The following OPCML variants were observed in gnomAD, a reference collection of about 807,000 sequenced individuals.
OPCML encodes the protein opioid binding protein/cell adhesion molecule like.
OPCML carries 13 observed loss-of-function variants against 37.8 expected under a neutral mutation model. The observed-to-expected ratio is 0.34, with a 90% CI of 0.22 to 0.55. The LOEUF (loss-of-function observed/expected upper bound fraction) is 0.55. Among genes scored for constraint, OPCML ranks in the 20% least tolerant of loss-of-function variants. OPCML has a pLI of 0.91. For missense variants in OPCML, 341 were observed against 435.6 expected, an observed-to-expected ratio of 0.78 and a Z score of 1.93; for synonymous variants, 176 against 168.8, an observed-to-expected ratio of 1.04 and a Z score of -0.33.
chr11:132,570,777 A>ATATATATATATATATATATATATT (rs1565674191), intron 3 of OPCML, among the ~76,000 whole-genome samples: 6 of 114,846 alleles, frequency 5.2e-5, no homozygotes, highest in African/African-American at 2.0e-4. Context: ...ATATATATAT[A>ATATATATATATATATATATATATT]TATATATATA....
chr11:132,956,375 G>T (rs1945978343), intron 1 of OPCML, among the ~76,000 whole-genome samples: 1 of 152,132 alleles, frequency 6.6e-6, no homozygotes, highest in Admixed American at 6.5e-5. Context: ...CATAATTATT[G>T]TGATATATTG....
intron 1 of OPCML, among the ~76,000 whole-genome samples, chr11:133,289,930 T>G (rs1942428458): frequency 6.6e-6 from 1 of 152,190 alleles, no homozygotes; most frequent in Non-Finnish European, 1.5e-5. Flanking sequence ...TGGGCTGTTC[T>G]GACCCGGCCA....
At chr11:133,524,862 C>T (rs766390925) in intron 1 of OPCML, among the ~76,000 whole-genome samples, 9 of 152,348 alleles carry the variant, frequency 5.9e-5, no homozygotes, top group Non-Finnish European at 8.8e-5. Context: ...GCAGGCCAAA[C>T]TGGGGGCCTC....
At chr11:133,471,741 C>T (rs1374459391) in intron 1 of OPCML, among the ~76,000 whole-genome samples, 7 of 152,150 alleles carry the variant, frequency 4.6e-5, no homozygotes, top group East Asian at 1.9e-4. Context: ...TTCCATGATG[C>T]TCATGACAGG....
chr11:133,100,176 G>C lies in OPCML; in HGVS notation c.62-157166C>G, dbSNP rs552537230. On this transcript the variant is annotated intron_variant, in intron 1 of 7. Transcript: ENST00000524381. ...CACCTGAGTCTACTTGAGCAGGAAG[G>C]GTGGAAAGAGGGTGAGGATCAAAGT... Among the ~76,000 whole-genome samples the C allele has an allele frequency of 5.3e-5, 8 of 152,228 alleles. No homozygotes were observed. The East Asian group carries it at 1.5e-3, about 29-fold the overall frequency.
intron 2 of OPCML, among the ~76,000 whole-genome samples, chr11:132,773,979 G>A (rs1019262829): frequency 6.6e-6 from 1 of 152,190 alleles, no homozygotes; most frequent in East Asian, 1.9e-4. Context: ...TCTGTACTTA[G>A]CACCCACTAG....
intron 1 of OPCML, among the ~76,000 whole-genome samples, chr11:133,289,279 G>T (rs1942391479): frequency 6.6e-6 from 1 of 152,140 alleles, no homozygotes; most frequent in African/African-American, 2.4e-5. Context: ...TGTTTTGATA[G>T]CAATTTGATT....
At chr11:133,335,706 C>T (rs905530296) in intron 1 of OPCML, among the ~76,000 whole-genome samples, 1 of 152,162 alleles carries the variant, frequency 6.6e-6, no homozygotes, top group Admixed American at 6.5e-5. Context: ...CTCCTTAAGA[C>T]AGTGTGTCTT....
intron 1 of OPCML, among the ~76,000 whole-genome samples, chr11:133,220,084 C>T (rs1177522314): frequency 6.6e-6 from 1 of 152,152 alleles, no homozygotes; most frequent in African/African-American, 2.4e-5. Context: ...AACCCTAAGA[C>T]TGTTGAGGAA....
intron 4 of OPCML, among the ~76,000 whole-genome samples, chr11:132,469,413 G>A (rs1340285657): frequency 1.3e-5 from 2 of 151,542 alleles, no homozygotes; most frequent in African/African-American, 4.9e-5. Context: ...GTGTGGGGGT[G>A]CGTGTGTATG....
intron 1 of OPCML, among the ~76,000 whole-genome samples, chr11:133,515,434 T>C (rs1445822652): frequency 6.6e-6 from 1 of 152,182 alleles, no homozygotes; most frequent in Non-Finnish European, 1.5e-5. Context: ...CTAAACATCA[T>C]ACAATGCACA....
intron 1 of OPCML, among the ~76,000 whole-genome samples, chr11:133,097,605 A>G (rs964760859): frequency 1.3e-5 from 2 of 152,194 alleles, no homozygotes; most frequent in Non-Finnish European, 2.9e-5. Context: ...AGATCAATAA[A>G]ACGAATAAGC....
rs115866065 is a variant in OPCML at position 132,532,823 on chromosome 11, T to C, written c.380-3637A>G. Among the ~76,000 whole-genome samples, 1,287 of 152,296 alleles carry C rather than the reference T, an allele frequency of 8.5e-3. 13 individuals carry two copies. Among genetic ancestry groups the C allele is most frequent in the African/African-American group, 0.03 (1,233 of 41,560 alleles). On this transcript the variant is annotated intron_variant, in intron 3 of 7. Transcript: ENST00000524381. ...CTTGTTTCCCCAGGGCCATGCATGCTGCTTGCCAAGGAAGGTATTCAATAC... is the reference window on the plus strand; with the variant it reads ...CTTGTTTCCCCAGGGCCATGCATGCCGCTTGCCAAGGAAGGTATTCAATAC...
intron 3 of OPCML, among the ~76,000 whole-genome samples, chr11:132,635,051 A>G (rs1324554699): frequency 2.0e-5 from 3 of 152,172 alleles, no homozygotes; most frequent in Admixed American, 2.0e-4. Context: ...TTGGAAATCC[A>G]ATATCATTTT....
At chr11:133,373,300 C>T (rs1944716457) in intron 1 of OPCML, among the ~76,000 whole-genome samples, 1 of 151,640 alleles carries the variant, frequency 6.6e-6, no homozygotes, top group African/African-American at 2.4e-5. Context: ...CAGGGGCTCA[C>T]ACCTGTAATA....
At chr11:133,492,892 C>T (rs371171607) in intron 1 of OPCML, among the ~76,000 whole-genome samples, 2 of 152,228 alleles carry the variant, frequency 1.3e-5, no homozygotes, top group South Asian at 4.2e-4. Context: ...TACAGCAGCA[C>T]CATCCCTGTG....
At chr11:132,796,565 CTTTTTTTTTTTTTTTTTTT>C (rs71067396) in intron 2 of OPCML, among the ~76,000 whole-genome samples, 1 of 88,558 alleles carries the variant, frequency 1.1e-5, no homozygotes, top group Admixed American at 1.4e-4. Context: ...TTTCTTCTTT[CTTTTTTTTTTTTTTTTTTT>C]TTTTTTTGAT....
intron 1 of OPCML, among the ~76,000 whole-genome samples, chr11:132,965,622 T>G (rs1050844079): frequency 1.6e-4 from 25 of 152,184 alleles, no homozygotes; most frequent in Admixed American, 1.6e-3. Flanking sequence ...AATTTCTGCC[T>G]CCTGAGTTCA....
chr11:133,071,026 G>A (rs1948524152), intron 1 of OPCML, among the ~76,000 whole-genome samples: 1 of 152,230 alleles, frequency 6.6e-6, no homozygotes, highest in South Asian at 2.1e-4. Flanking sequence ...GCTTGGGAGA[G>A]AGAATGTGAT....
Sources: gnomAD v4.1 joint callset for allele counts (sites outside exome capture counted in the v4.1 genomes callset) on GRCh38, gnomAD v4.1.1 for gene constraint, MANE v1.5 for transcripts, NCBI Gene and HGNC (gene_info 2026-07-23, HGNC 2026-07-21) for gene names.